AGBL1: variants seen among roughly 807,000 people sequenced by gnomAD.
The protein encoded by AGBL1 is AGBL carboxypeptidase 1, also known as cytosolic carboxypeptidase 4.
AGBL1 carries 130 observed loss-of-function variants against 118.9 expected under a neutral mutation model. The observed-to-expected ratio is 1.09, with a 90% CI of 0.95 to 1.26. The LOEUF (loss-of-function observed/expected upper bound fraction) is 1.26. AGBL1 is among the 50% of genes most tolerant of loss of function. The pLI is 0.00. For synonymous variants in AGBL1, 555 were observed against 478.9 expected, an observed-to-expected ratio of 1.16 and a Z score of -2.08; for missense variants, 1,584 against 1,298.1, an observed-to-expected ratio of 1.22 and a Z score of -3.38.
At chr15:86,307,696 G>A (rs1433883409) in intron 17 of AGBL1, among the ~76,000 whole-genome samples, 2 of 151,936 alleles carry the variant, frequency 1.3e-5, no homozygotes, top group Non-Finnish European at 2.9e-5. Flanking sequence ...GGGCCTAGGA[G>A]TTTGAGTCTA....
chr15:87,027,398 T>C (rs2081740738), intron 24 of AGBL1, among the ~76,000 whole-genome samples: 1 of 151,870 alleles, frequency 6.6e-6, no homozygotes, highest in Admixed American at 6.6e-5. Flanking sequence ...GAGGCAGAAA[T>C]ACCATTTGAC....
In AGBL1 at chr15:86,909,465, A is replaced by G. The variant is rs956219989; in HGVS notation, c.*2171A>G. ...ATAGAAGAAAGGCATCTGTGTTGTG[A>G]TTTTGGGAGTTGATAACATTATTAA... On this transcript the variant is annotated 3_prime_UTR_variant, in exon 23 of 23. Coordinates refer to ENST00000614907, the MANE Select transcript of AGBL1 (RefSeq NM_001386094.1). 3 of 152,234 alleles carry G rather than the reference A, an allele frequency of 2.0e-5. No homozygotes were observed. Among genetic ancestry groups the G allele is most frequent in the Non-Finnish European group, 4.4e-5 (3 of 68,040 alleles). The allele number at this position is 152,234 out of a possible 1,614,324, so 9.4% of individuals were successfully genotyped here.
chr15:86,651,457 T>C (rs2447247), intron 21 of AGBL1, among the ~76,000 whole-genome samples: 135,605 of 152,240 alleles, frequency 0.89, 60,575 homozygotes, highest in East Asian at 1. Flanking sequence ...GGCATGGCTT[T>C]CCTTGCTGTG....
At chr15:86,385,271 T>TG (rs1325374291) in intron 17 of AGBL1, among the ~76,000 whole-genome samples, 6 of 152,226 alleles carry the variant, frequency 3.9e-5, no homozygotes, top group African/African-American at 1.2e-4. Context: ...CACCTTACAT[T>TG]GCTTTTTAAA....
chr15:86,580,596 C>G (rs996416076), intron 21 of AGBL1, among the ~76,000 whole-genome samples: 1 of 151,926 alleles, frequency 6.6e-6, no homozygotes, highest in Non-Finnish European at 1.5e-5. Context: ...AATAATTGTA[C>G]ATATTTAACT....
intron 9 of AGBL1, among the ~76,000 whole-genome samples, chr15:86,260,314 T>C (rs549591752): frequency 6.6e-6 from 1 of 152,298 alleles, no homozygotes; most frequent in Non-Finnish European, 1.5e-5. Flanking sequence ...TAGGTAATAA[T>C]TGGGACCAGC....
intron 23 of AGBL1, among the ~76,000 whole-genome samples, chr15:86,986,374 TTACACACACATA>T (rs1256063191): frequency 1.1e-4 from 16 of 152,200 alleles, no homozygotes; most frequent in South Asian, 4.1e-4. Flanking sequence ...ACATATATAT[TTACACACACATA>T]TACACACACA....
intron 22 of AGBL1, among the ~76,000 whole-genome samples, chr15:86,708,401 G>A (rs1035643433): frequency 3.3e-5 from 5 of 152,016 alleles, no homozygotes; most frequent in African/African-American, 9.7e-5. Context: ...CCATCTGCAA[G>A]TCAGGAAAAT....
At position 86,592,105 on chromosome 15, in the gene AGBL1, T is replaced by C. The variant is rs2084345180; in HGVS notation, c.2994+37568T>C. Among the ~76,000 whole-genome samples, 3 of 152,206 alleles carry C rather than the reference T, an allele frequency of 2.0e-5. No homozygotes were observed. In the South Asian group the frequency reaches 6.2e-4, roughly 31 times the overall value. On this transcript the variant is annotated intron_variant, in intron 21 of 22. Transcript: ENST00000614907. ...GTTGGTCATCCCAATATTGGTGATGTTAAATTTGATCACTTGGTTAAAGTG... is the reference window on the plus strand; with the variant it reads ...GTTGGTCATCCCAATATTGGTGATGCTAAATTTGATCACTTGGTTAAAGTG...
At chr15:86,530,234 C>A (rs1458271819) in intron 19 of AGBL1, among the ~76,000 whole-genome samples, 2 of 134,568 alleles carry the variant, frequency 1.5e-5, no homozygotes, top group Non-Finnish European at 3.0e-5. Context: ...CAGAGACACA[C>A]ATAGGCTGAA....
In AGBL1 at chr15:86,196,865, ATGTGCGCGCG is replaced by A. The variant is rs1267251174; in HGVS notation, c.489-28048_489-28039del. Among the ~76,000 whole-genome samples, 696 of 85,440 alleles carry A rather than the reference ATGTGCGCGCG, an allele frequency of 8.1e-3. 17 individuals carry two copies. The highest frequency in any genetic ancestry group is 0.028 in the East Asian group (100 of 3,554). 56.1% of individuals were successfully genotyped at this position (85,440 alleles called of 152,430 possible). On this transcript the variant is annotated intron_variant, in intron 5 of 22. Coordinates refer to ENST00000614907, the MANE Select transcript of AGBL1 (RefSeq NM_001386094.1). The stretch of plus-strand genomic sequence containing the variant: ...TCTCCCTGCATATGCGAATGTGCAC[ATGTGCGCGCG>A]CGCGCACACACACACACACACACAC...
rs1228056294 is a variant in AGBL1, at chr15:86,567,670, G to T, written c.2994+13133G>T. Among the ~76,000 whole-genome samples, 9 of 152,270 alleles carry T rather than the reference G, an allele frequency of 5.9e-5. No homozygotes were observed. The East Asian group carries it at 1.4e-3, about 23-fold the overall frequency. ...TTGATCTTTTTTTTGATCTTTGAAT[G>T]GGGGAGGAGGTGTCTTTCTTTCATT... is the stretch of plus-strand genomic sequence containing the variant. On this transcript the variant is annotated intron_variant, in intron 21 of 22. Transcript: ENST00000614907.
intron 22 of AGBL1, among the ~76,000 whole-genome samples, chr15:86,778,672 T>A (rs1596473100): frequency 6.6e-6 from 1 of 152,296 alleles, no homozygotes; most frequent in Non-Finnish European, 1.5e-5. Context: ...GCTGTTATCG[T>A]GTTCTTTTTT....
intron 18 of AGBL1, among the ~76,000 whole-genome samples, chr15:86,446,120 A>G (rs535279304): frequency 6.6e-6 from 1 of 152,318 alleles, no homozygotes; most frequent in East Asian, 1.9e-4. Flanking sequence ...CCTGCTCACC[A>G]TAAGAGAGCC....
intron 22 of AGBL1, among the ~76,000 whole-genome samples, chr15:86,779,048 A>G (rs2078296574): frequency 6.6e-6 from 1 of 152,212 alleles, no homozygotes; most frequent in African/African-American, 2.4e-5. Context: ...CGCAACAGCT[A>G]AACTTGAAAG....
intron 23 of AGBL1, among the ~76,000 whole-genome samples, chr15:86,941,881 C>G (rs2141655477): frequency 6.6e-6 from 1 of 152,328 alleles, no homozygotes. Flanking sequence ...GCCAGAATCT[C>G]TCTCCAGTGC....
intron 22 of AGBL1, among the ~76,000 whole-genome samples, chr15:86,840,138 T>G (rs989762708): frequency 1.3e-5 from 2 of 152,214 alleles, no homozygotes; most frequent in Non-Finnish European, 2.9e-5. Context: ...ATCTAATTAA[T>G]GTGAATTCTA....
chr15:86,199,940 A>G (rs951184814), intron 5 of AGBL1, among the ~76,000 whole-genome samples: 2 of 152,232 alleles, frequency 1.3e-5, no homozygotes, highest in Non-Finnish European at 1.5e-5. Context: ...AACATGGGTG[A>G]TTCTAACATG....
intron 1 of AGBL1, among the ~76,000 whole-genome samples, chr15:86,116,236 G>A (rs1323987003): frequency 6.6e-6 from 1 of 152,192 alleles, no homozygotes; most frequent in African/African-American, 2.4e-5. Context: ...GAACAAAAAT[G>A]TAAGGCTCAG....
Sources: allele counts gnomAD v4.1 joint callset (sites outside exome capture counted in the v4.1 genomes callset), GRCh38; gene constraint gnomAD v4.1.1; transcripts MANE v1.5; gene names NCBI Gene and HGNC (gene_info 2026-07-23, HGNC 2026-07-21).